DHRS7B: variants seen among roughly 807,000 people sequenced by gnomAD.
DHRS7B encodes the protein dehydrogenase/reductase 7B.
Under a neutral mutation model 26.4 loss-of-function variants are expected in DHRS7B, and 24 were observed. That is an observed-to-expected ratio of 0.91 (90% confidence interval 0.66 to 1.28). The LOEUF is 1.28. Among genes scored for constraint, DHRS7B ranks in the 50% most tolerant of loss-of-function variants. The pLI is 0.00. For missense variants in DHRS7B, 368 were observed against 419.4 expected, an observed-to-expected ratio of 0.88 and a Z score of 1.07; for synonymous variants, 142 against 166.4, an observed-to-expected ratio of 0.85 and a Z score of 1.13.
rs548020557 is a variant in DHRS7B, at chr17:21,132,914, CT to C, written c.20+5924del. 1.6e-4 allele frequency among the ~76,000 whole-genome samples: 24 copies of C among 152,130 alleles called. No homozygotes were observed. The South Asian group carries it at 4.8e-3, about 30-fold the overall frequency. ...AGGATTTTTTTTTTTACATGACCCCCTATTTGATGCACTTAAGAGTTAAGAA... is the reference window on the plus strand; with the variant it reads ...AGGATTTTTTTTTTTACATGACCCCCATTTGATGCACTTAAGAGTTAAGAA... On this transcript the variant is annotated intron_variant, in intron 1 of 6. Coordinates refer to ENST00000395511, the MANE Select transcript of DHRS7B (RefSeq NM_015510.5).
At chr17:21,140,071 C>G (rs1973460215) in intron 1 of DHRS7B, among the ~76,000 whole-genome samples, 1 of 134,300 alleles carries the variant, frequency 7.4e-6, no homozygotes, top group Non-Finnish European at 1.5e-5. Context: ...GTCGCCCAGG[C>G]TGGAGTGCGG....
At chr17:21,164,278 G>A (rs184105457) in intron 1 of DHRS7B, among the ~76,000 whole-genome samples, 3 of 151,564 alleles carry the variant, frequency 2.0e-5, no homozygotes, top group African/African-American at 7.3e-5. Context: ...CAGTCCTCCC[G>A]CCTCAGCCTC....
chr17:21,164,424 T>G (rs767059643), intron 1 of DHRS7B, among the ~76,000 whole-genome samples: 12 of 152,236 alleles, frequency 7.9e-5, no homozygotes, highest in Non-Finnish European at 1.5e-4. Flanking sequence ...ACTAGATTCC[T>G]GAACTCCTAG....
At chr17:21,127,453 G>A in intron 1 of DHRS7B, 1 of 162,598 alleles carries the variant, frequency 6.2e-6, no homozygotes, top group Non-Finnish European at 1.3e-5. Flanking sequence ...AGCAAAGGAA[G>A]TCCGGTTTTT....
intron 1 of DHRS7B, among the ~76,000 whole-genome samples, chr17:21,163,073 G>A (rs1040723863): frequency 6.6e-6 from 1 of 151,880 alleles, no homozygotes; most frequent in African/African-American, 2.4e-5. Context: ...GCGGGCACTT[G>A]TAATCCCAGC....
At chr17:21,140,855 C>CGG (rs1973491094) in intron 1 of DHRS7B, among the ~76,000 whole-genome samples, 1 of 152,102 alleles carries the variant, frequency 6.6e-6, no homozygotes, top group African/African-American at 2.4e-5. Flanking sequence ...GGTCATTCTC[C>CGG]TTTTCTCCTC....
At chr17:21,161,698 G>C (rs1446583902) in intron 1 of DHRS7B, among the ~76,000 whole-genome samples, 6 of 152,184 alleles carry the variant, frequency 3.9e-5, no homozygotes, top group Non-Finnish European at 8.8e-5. Flanking sequence ...ATTACTTACT[G>C]TATGACTGTC....
intron 1 of DHRS7B, among the ~76,000 whole-genome samples, chr17:21,143,143 A>G (rs1337445295): frequency 6.6e-6 from 1 of 152,162 alleles, no homozygotes; most frequent in Non-Finnish European, 1.5e-5. Flanking sequence ...TGGCCAGGCT[A>G]GTCTCGAACT....
Position 21,183,819 on chromosome 17 carries a change from C to T in DHRS7B, c.526+9C>T, listed in dbSNP as rs1234291643. On this transcript the variant is annotated intron_variant, in intron 4 of 6. Transcript: ENST00000395511. ...AGTTGCTCTAACGAAAGGTAACAGT[C>T]TTGAGAAAAGAGCAGTGATAAGTGA... 5.0e-6 allele frequency: 8 copies of T among 1,611,754 alleles called. No homozygotes were observed. The highest frequency in any genetic ancestry group is 6.8e-6 in the Non-Finnish European group (8 of 1,177,828).
intron 1 of DHRS7B, among the ~76,000 whole-genome samples, chr17:21,134,271 A>G (rs552754933): frequency 8.9e-4 from 136 of 152,336 alleles, no homozygotes; most frequent in African/African-American, 3.0e-3. Flanking sequence ...ATTTGTATAC[A>G]GTGCAGCAAG....
intron 1 of DHRS7B, chr17:21,166,040 C>T (rs552767958): frequency 2.4e-5 from 11 of 467,358 alleles, no homozygotes; most frequent in Admixed American, 1.9e-4. Flanking sequence ...ACAGACTTGG[C>T]GCGGGCTCTG....
chr17:21,159,405 G>A (rs554614071), intron 1 of DHRS7B, among the ~76,000 whole-genome samples: 19 of 107,202 alleles, frequency 1.8e-4, no homozygotes, highest in African/African-American at 5.1e-4. Flanking sequence ...GCACCACCAC[G>A]CCCGGCTAAT....
At chr17:21,142,682 A>AC (rs965293279) in intron 1 of DHRS7B, among the ~76,000 whole-genome samples, 4 of 133,898 alleles carry the variant, frequency 3.0e-5, no homozygotes, top group Non-Finnish European at 6.5e-5. Context: ...CCACCCCCTC[A>AC]CCCCCCTCCC....
At chr17:21,149,337 C>T (rs978414036) in intron 1 of DHRS7B, among the ~76,000 whole-genome samples, 3 of 152,270 alleles carry the variant, frequency 2.0e-5, no homozygotes, top group African/African-American at 7.2e-5. Context: ...CGCCACTAAA[C>T]CCATCTTACA....
chr17:21,135,045 T>G (rs897792816), intron 1 of DHRS7B, among the ~76,000 whole-genome samples: 1 of 152,154 alleles, frequency 6.6e-6, no homozygotes, highest in Non-Finnish European at 1.5e-5. Flanking sequence ...AATCACCTTC[T>G]AAAGAGGACC....
chr17:21,130,502 G>A (rs1353232756), intron 1 of DHRS7B, among the ~76,000 whole-genome samples: 6 of 152,118 alleles, frequency 3.9e-5, no homozygotes, highest in Non-Finnish European at 7.4e-5. Flanking sequence ...TGTATTTACT[G>A]GGTTTAAACA....
intron 5 of DHRS7B, among the ~76,000 whole-genome samples, chr17:21,187,148 C>T (rs970660001): frequency 1.1e-4 from 17 of 148,132 alleles, no homozygotes; most frequent in South Asian, 2.1e-4. Context: ...CATGAATATA[C>T]GTAGAATATA....
At chr17:21,171,049 G>T (rs201642139) in intron 1 of DHRS7B, among the ~76,000 whole-genome samples, 2 of 129,372 alleles carry the variant, frequency 1.5e-5, no homozygotes, top group Non-Finnish European at 3.2e-5. Context: ...AGGTGGACTC[G>T]GGGGGGGCCT....
At chr17:21,148,610 GT>G (rs1973692670) in intron 1 of DHRS7B, among the ~76,000 whole-genome samples, 1 of 152,168 alleles carries the variant, frequency 6.6e-6, no homozygotes, top group African/African-American at 2.4e-5. Flanking sequence ...GCCGAGTGTG[GT>G]GGTGTGCACC....
Sources: allele counts gnomAD v4.1 joint callset (sites outside exome capture counted in the v4.1 genomes callset), GRCh38; gene constraint gnomAD v4.1.1; transcripts MANE v1.5; gene names NCBI Gene and HGNC (gene_info 2026-07-23, HGNC 2026-07-21).